The following TGFBR2 variants were observed in gnomAD, a reference collection of about 807,000 sequenced individuals.
The protein encoded by TGFBR2 is TGF-beta receptor type-2.
TGFBR2 carries 18 observed loss-of-function variants against 49.0 expected under a neutral mutation model. The ratio of observed to expected loss-of-function variants is 0.37; its 90% CI spans 0.25 to 0.54. The LOEUF (loss-of-function observed/expected upper bound fraction) is 0.54, where lower values mean the gene tolerates loss of function less well. Among genes scored for constraint, TGFBR2 ranks in the 20% least tolerant of loss-of-function variants. The pLI, the probability that TGFBR2 is intolerant of heterozygous loss-of-function variation, is 0.85. For missense variants in TGFBR2, 525 were observed against 722.6 expected, an observed-to-expected ratio of 0.73 and a Z score of 3.13; for synonymous variants, 282 against 275.9, an observed-to-expected ratio of 1.02 and a Z score of -0.22.
At chr3:30,651,827 C>T (rs1449415471) in intron 3 of TGFBR2, among the ~76,000 whole-genome samples, 2 of 152,232 alleles carry the variant, frequency 1.3e-5, no homozygotes, top group Non-Finnish European at 2.9e-5. Context: ...CCTTCTCCAA[C>T]ACTGGGAATG....
At chr3:30,630,476 G>T (rs1698414549) in intron 1 of TGFBR2, among the ~76,000 whole-genome samples, 1 of 152,226 alleles carries the variant, frequency 6.6e-6, no homozygotes, top group African/African-American at 2.4e-5. Context: ...CTGTGTTCCA[G>T]AACTATGTTG....
rs1699720371 is a variant in TGFBR2, at chr3:30,692,047, A to G, written c.*448A>G. ...AACTCCAGAACCAAGCAGAGAAGGA[A>G]GGGACCCATGACAGCATTAGCATTT... On this transcript the variant is annotated 3_prime_UTR_variant, in exon 7 of 7. Transcript: ENST00000295754. 1 of 223,480 alleles carries G rather than the reference A, an allele frequency of 4.5e-6. No homozygotes were observed. Among genetic ancestry groups the G allele is most frequent in the East Asian group, 6.5e-5 (1 of 15,276 alleles). The allele number at this position is 223,480 out of a possible 1,614,324, so 13.8% of individuals were successfully genotyped here. A position where few individuals can be genotyped will look rare whatever the true frequency, so the allele number is the denominator to read the frequency against.
At chr3:30,671,349 T>A (rs1340815618) in intron 3 of TGFBR2, among the ~76,000 whole-genome samples, 1 of 152,210 alleles carries the variant, frequency 6.6e-6, no homozygotes, top group East Asian at 1.9e-4. Context: ...TAAGGTGCTA[T>A]GAAAATGTAT....
At chr3:30,628,923 C>T (rs1216423024) in intron 1 of TGFBR2, among the ~76,000 whole-genome samples, 1 of 152,274 alleles carries the variant, frequency 6.6e-6, no homozygotes, top group East Asian at 1.9e-4. Context: ...GACAGCCAGT[C>T]ATTTAATACG....
At position 30,691,708 on chromosome 3, in the gene TGFBR2, G is replaced by T. The variant is rs554379684; in HGVS notation, c.*109G>T. 46 of 1,245,230 alleles carry T rather than the reference G, an allele frequency of 3.7e-5. No individual in the cohort carries two copies. In the African/African-American group the frequency reaches 4.4e-4, roughly 12 times the overall value. 77.1% of individuals were successfully genotyped at this position (1,245,230 alleles called of 1,614,324 possible). ...TGATGCTTCCTGGAAAACCAAGGGGGTCACTCCCCTCCCTGTAAGCTGTGG... is the reference window on the plus strand; with the variant it reads ...TGATGCTTCCTGGAAAACCAAGGGGTTCACTCCCCTCCCTGTAAGCTGTGG... On this transcript the variant is annotated 3_prime_UTR_variant, in exon 7 of 7. Coordinates refer to ENST00000295754, the MANE Select transcript of TGFBR2 (RefSeq NM_003242.6).
rs200148695 is a variant in TGFBR2 at position 30,682,920 on chromosome 3, G to T, written c.1397-5464G>T. Among the ~76,000 whole-genome samples the T allele has an allele frequency of 1.8e-4, 27 of 152,300 alleles. No homozygotes were observed. The East Asian group carries it at 4.8e-3, about 27-fold the overall frequency. ...GAAGGGCATGTTCATACCAGGGACT[G>T]CCCCAGCTGTACTTGCTCTGGTTAG... On this transcript the variant is annotated intron_variant, in intron 5 of 6. Coordinates refer to ENST00000295754, the MANE Select transcript of TGFBR2 (RefSeq NM_003242.6).
intron 3 of TGFBR2, among the ~76,000 whole-genome samples, chr3:30,664,804 A>G (rs1392133468): frequency 1.3e-5 from 2 of 152,270 alleles, no homozygotes; most frequent in Non-Finnish European, 2.9e-5. Flanking sequence ...ACTTGGTTAA[A>G]AAAATAAAAG....
chr3:30,670,424 A>G (rs1052177391), intron 3 of TGFBR2, among the ~76,000 whole-genome samples: 1 of 152,210 alleles, frequency 6.6e-6, no homozygotes, highest in Non-Finnish European at 1.5e-5. Flanking sequence ...GATATATTTA[A>G]TGAATGATTC....
intron 5 of TGFBR2, among the ~76,000 whole-genome samples, chr3:30,683,953 C>T (rs1699577629): frequency 6.6e-6 from 1 of 152,190 alleles, no homozygotes; most frequent in African/African-American, 2.4e-5. Flanking sequence ...TCGCAGGGTT[C>T]AGGCTATCTC....
chr3:30,664,505 CT>C (rs201745847), intron 3 of TGFBR2, among the ~76,000 whole-genome samples: 1 of 151,560 alleles, frequency 6.6e-6, no homozygotes, highest in African/African-American at 2.4e-5. Flanking sequence ...ATGTCAAATT[CT>C]TTTTTTTTCT....
chr3:30,616,685 T>C lies in TGFBR2; in HGVS notation c.94+9708T>C, dbSNP rs138071329. On this transcript the variant is annotated intron_variant, in intron 1 of 6. Coordinates refer to ENST00000295754, the MANE Select transcript of TGFBR2 (RefSeq NM_003242.6). ...CATTGAAGTTGAGTTAGAAAATCTT[T>C]AGCTAATCAAAATAGAAAACTAACA... Among the ~76,000 whole-genome samples, 1,411 of 152,294 alleles carry C rather than the reference T, an allele frequency of 9.3e-3. 29 individuals carry two copies. The highest frequency in any genetic ancestry group is 0.032 in the African/African-American group (1,322 of 41,552).
intron 3 of TGFBR2, among the ~76,000 whole-genome samples, chr3:30,664,149 A>AT (rs35145271): frequency 0.26 from 38,170 of 146,558 alleles, 5,467 homozygotes; most frequent in East Asian, 0.68. Context: ...CATCCAGCTA[A>AT]TTTTTTTTTT....
Position 30,692,110 on chromosome 3 carries a change from A to G in TGFBR2, c.*511A>G. The stretch of plus-strand genomic sequence containing the variant: ...TGCAGTGGTTCTCTGACTGTAAAAC[A>G]GTGAACTTTGCATGAGGAAAGAGGC... On this transcript the variant is annotated 3_prime_UTR_variant, in exon 7 of 7. Coordinates refer to ENST00000295754, the MANE Select transcript of TGFBR2 (RefSeq NM_003242.6). The G allele has an allele frequency of 8.9e-6, 2 of 224,632 alleles. No homozygotes were observed. The highest frequency in any genetic ancestry group is 1.8e-5 in the Non-Finnish European group (2 of 112,530). 13.9% of individuals were successfully genotyped at this position (224,632 alleles called of 1,614,324 possible).
At chr3:30,622,879 C>CAAAAAAAAAAAAAAAAAAAAAA (rs10575244) in intron 1 of TGFBR2, among the ~76,000 whole-genome samples, 1 of 75,624 alleles carries the variant, frequency 1.3e-5, no homozygotes. Flanking sequence ...GACTTTGTCT[C>CAAAAAAAAAAAAAAAAAAAAAA]AAAAAAAAAA....
In TGFBR2 at chr3:30,606,974, T is replaced by G. The variant is rs761400349; in HGVS notation, c.91T>G (p.Ser31Ala). The change falls in exon 1 of 7, where the codon TCG (serine) becomes GCG (alanine). Residue 31 changes from serine (S) to alanine (A), a missense_variant. Transcript: ENST00000295754. ...ASTIPPHVQK[S>A]VNNDMIVTDN... ...CACGATCCCACCGCACGTTCAGAAGTCGGGTGAGTGGTCCCCAGCCCGGGC... is the reference window on the plus strand; with the variant it reads ...CACGATCCCACCGCACGTTCAGAAGGCGGGTGAGTGGTCCCCAGCCCGGGC... 11 of 1,595,288 alleles carry G rather than the reference T, an allele frequency of 6.9e-6. No individual in the cohort carries two copies. The African/African-American group carries it at 1.5e-4, about 21-fold the overall frequency.
intron 1 of TGFBR2, among the ~76,000 whole-genome samples, chr3:30,611,714 G>A (rs183544523): frequency 5.3e-5 from 8 of 151,978 alleles, no homozygotes; most frequent in Admixed American, 1.3e-4. Flanking sequence ...GTGAAGCAGC[G>A]TTGGTTGAAG....
At chr3:30,646,920 C>T (rs886523709) in intron 2 of TGFBR2, among the ~76,000 whole-genome samples, 3 of 152,108 alleles carry the variant, frequency 2.0e-5, no homozygotes, top group Non-Finnish European at 2.9e-5. Flanking sequence ...GTGAGCATGT[C>T]GAAGAGAGGA....
At chr3:30,678,004 CA>C (rs1699469017) in intron 5 of TGFBR2, among the ~76,000 whole-genome samples, 1 of 152,168 alleles carries the variant, frequency 6.6e-6, no homozygotes, top group African/African-American at 2.4e-5. Flanking sequence ...TGCAGTATAG[CA>C]GATGTAATTA....
chr3:30,633,950 A>T (rs1263317555), intron 1 of TGFBR2, among the ~76,000 whole-genome samples: 4 of 152,164 alleles, frequency 2.6e-5, no homozygotes, highest in Non-Finnish European at 5.9e-5. Context: ...TTTTAAAGGG[A>T]TGCCTTTCCC....
Sources: allele counts gnomAD v4.1 joint callset (sites outside exome capture counted in the v4.1 genomes callset), GRCh38; gene constraint gnomAD v4.1.1; transcripts MANE v1.5; gene names NCBI Gene and HGNC (gene_info 2026-07-23, HGNC 2026-07-21).